Variants in IQCK observed in about 807,000 individuals in gnomAD.
The protein encoded by IQCK is IQ domain-containing protein K.
Under a neutral mutation model 28.1 loss-of-function variants are expected in IQCK, and 29 were observed. The observed-to-expected ratio is 1.03, with a 90% CI of 0.77 to 1.41. The LOEUF (loss-of-function observed/expected upper bound fraction) is 1.41, where lower values mean the gene tolerates loss of function less well. IQCK is among the 40% of genes most tolerant of loss of function. The probability of loss-of-function intolerance (pLI) is 0.00; values close to 1 mark genes in which losing one functional copy is unlikely to be tolerated. For synonymous variants in IQCK, 113 were observed against 115.1 expected, an observed-to-expected ratio of 0.98 and a Z score of 0.12; for missense variants, 359 against 314.7, an observed-to-expected ratio of 1.14 and a Z score of -1.07.
rs1457302253 is a variant in IQCK, at chr16:19,825,380, C to G, written c.691-1646C>G. ...TACTAAAAATACAAAATTAGCCAGGCCTGGTGGTGCACACCTGTATTCCCA... is the reference window on the plus strand; with the variant it reads ...TACTAAAAATACAAAATTAGCCAGGGCTGGTGGTGCACACCTGTATTCCCA... On this transcript the variant is annotated intron_variant, in intron 7 of 7. Transcript: ENST00000564186. This position sits in a 1 kb window ranked among gnomAD's most constrained non-coding sequence, Gnocchi z 4.2. Among the ~76,000 whole-genome samples, 2 of 151,958 alleles carry G rather than the reference C, an allele frequency of 1.3e-5. No homozygotes were observed. Among genetic ancestry groups the G allele is most frequent in the East Asian group, 3.9e-4 (2 of 5,184 alleles).
intron 4 of IQCK, among the ~76,000 whole-genome samples, chr16:19,746,979 C>T (rs1180290370): frequency 2.0e-5 from 3 of 152,150 alleles, no homozygotes; most frequent in Non-Finnish European, 2.9e-5. Flanking sequence ...AAGTTAGTGG[C>T]TTAAAATTAC....
intron 4 of IQCK, among the ~76,000 whole-genome samples, chr16:19,746,697 CT>C (rs2054917579): frequency 6.6e-6 from 1 of 152,174 alleles, no homozygotes; most frequent in Non-Finnish European, 1.5e-5. Context: ...AAGGACAAGG[CT>C]TTAAAAAGAA....
At chr16:19,835,408 C>T (rs1163223181) in intron 9 of IQCK, among the ~76,000 whole-genome samples, 1 of 152,144 alleles carries the variant, frequency 6.6e-6, no homozygotes, top group Non-Finnish European at 1.5e-5. Flanking sequence ...CATGCCAGCA[C>T]ACACAGATCT....
intron 4 of IQCK, among the ~76,000 whole-genome samples, chr16:19,744,212 TA>T (rs2054875454): frequency 6.6e-6 from 1 of 152,256 alleles, no homozygotes; most frequent in Non-Finnish European, 1.5e-5. Context: ...ATATAGTTTC[TA>T]AACAAACAGT....
chr16:19,854,704 G>T (rs1261959788), intron 9 of IQCK, among the ~76,000 whole-genome samples: 1 of 152,188 alleles, frequency 6.6e-6, no homozygotes, highest in East Asian at 1.9e-4. Context: ...ACGTTGTCAG[G>T]CTGCTGGCTT....
chr16:19,730,723 A>ATCTG (rs1555513796), intron 2 of IQCK, among the ~76,000 whole-genome samples: 4,160 of 150,122 alleles, frequency 0.028, 181 homozygotes, highest in African/African-American at 0.098. Context: ...CTGTCTATCT[A>ATCTG]TCTGTCTGTC....
intron 4 of IQCK, among the ~76,000 whole-genome samples, chr16:19,753,441 T>C (rs2055013352): frequency 6.6e-6 from 1 of 151,714 alleles, no homozygotes; most frequent in South Asian, 2.1e-4. Context: ...ATAAAATAAA[T>C]AAATAAATAA....
chr16:19,779,714 T>A (rs1360588304), intron 6 of IQCK, among the ~76,000 whole-genome samples: 1 of 151,106 alleles, frequency 6.6e-6, no homozygotes, highest in Non-Finnish European at 1.5e-5. Flanking sequence ...TTATTTATTT[T>A]ATTTATTTAT....
At chr16:19,838,627 G>A (rs1393852304) in intron 9 of IQCK, among the ~76,000 whole-genome samples, 4 of 152,138 alleles carry the variant, frequency 2.6e-5, no homozygotes, top group South Asian at 2.1e-4. Flanking sequence ...GCAAAGATCC[G>A]CAATCCTCAT....
chr16:19,793,825 G>A (rs113100720), intron 7 of IQCK, among the ~76,000 whole-genome samples: 1 of 19,806 alleles, frequency 5.0e-5, no homozygotes, highest in African/African-American at 2.6e-4. Context: ...AAACTGAGTA[G>A]TACTAACATA....
intron 2 of IQCK, among the ~76,000 whole-genome samples, 153 bp from the exon 3 acceptor site, chr16:19,733,545 C>G (rs888646398): frequency 6.6e-6 from 1 of 152,176 alleles, no homozygotes; most frequent in Non-Finnish European, 1.5e-5. Flanking sequence ...ATAGGTGTCT[C>G]AGGAGGGAAG....
chr16:19,719,232 A>AC (rs1028810541), intron 1 of IQCK, among the ~76,000 whole-genome samples: 83 of 152,068 alleles, frequency 5.5e-4, no homozygotes, highest in African/African-American at 1.9e-3. Flanking sequence ...GGAAAAAAAA[A>AC]CACAAACTGC....
At position 19,776,789 on chromosome 16, in the gene IQCK, CT is replaced by C. The variant is rs559632526; in HGVS notation, c.606-12045del. Among the ~76,000 whole-genome samples, 26 of 152,264 alleles carry C rather than the reference CT, an allele frequency of 1.7e-4. No individual in the cohort carries two copies. The East Asian group carries it at 5.0e-3, about 29-fold the overall frequency. Reference sequence around the variant, plus strand: ...GTGATGAGGGTGTTTTTGTTCTTACCTTTTAACAGGGGTAGATGATGTCATA... The same window carrying C: ...GTGATGAGGGTGTTTTTGTTCTTACCTTTAACAGGGGTAGATGATGTCATA... On this transcript the variant is annotated intron_variant, in intron 6 of 7. Transcript: ENST00000564186.
At chr16:19,828,866 A>G (rs970831945), downstream of IQCK, among the ~76,000 whole-genome samples, 5 of 134,772 alleles carry the variant, frequency 3.7e-5, no homozygotes, top group African/African-American at 1.6e-4. Context: ...AAATATATAT[A>G]TATATAAATA....
intron 7 of IQCK, among the ~76,000 whole-genome samples, chr16:19,816,080 T>C (rs1397540441): frequency 6.6e-6 from 1 of 152,186 alleles, no homozygotes; most frequent in South Asian, 2.1e-4. Flanking sequence ...CTGTAATATA[T>C]GAACTGCCTT....
intron 7 of IQCK, among the ~76,000 whole-genome samples, chr16:19,823,222 G>GA (rs2056100033): frequency 6.6e-6 from 1 of 152,158 alleles, no homozygotes; most frequent in South Asian, 2.1e-4. Context: ...GTGGTGATCT[G>GA]AAAAAGCAAG....
intron 6 of IQCK, among the ~76,000 whole-genome samples, chr16:19,778,948 C>T (rs1029777712): frequency 2.0e-5 from 3 of 152,104 alleles, no homozygotes; most frequent in Admixed American, 6.6e-5. Context: ...AGGGCTACTG[C>T]GAGAAATTAC....
chr16:19,792,455 A>G (rs981634455), intron 7 of IQCK, among the ~76,000 whole-genome samples: 3 of 108,356 alleles, frequency 2.8e-5, no homozygotes, highest in Admixed American at 1.6e-4. Context: ...GAATACATGC[A>G]CACACACACG....
chr16:19,848,133 G>A (rs1442444743), intron 9 of IQCK, among the ~76,000 whole-genome samples: 2 of 152,218 alleles, frequency 1.3e-5, no homozygotes, highest in East Asian at 3.8e-4. Context: ...TGATGCACGA[G>A]CAGTCTGCAT....
Sources: allele counts gnomAD v4.1 joint callset (sites outside exome capture counted in the v4.1 genomes callset), GRCh38; gene constraint gnomAD v4.1.1; non-coding constraint Gnocchi (gnomAD v3.1); transcripts MANE v1.5; gene names NCBI Gene and HGNC (gene_info 2026-07-23, HGNC 2026-07-21).